Variants in USP25 observed in about 807,000 individuals in gnomAD.
USP25 encodes ubiquitin carboxyl-terminal hydrolase 25.
USP25 carries 85 observed loss-of-function variants against 158.5 expected under a neutral mutation model. The observed-to-expected ratio is 0.54, with a 90% CI of 0.45 to 0.64. USP25 has a LOEUF of 0.64. USP25 is among the 30% of genes least tolerant of loss of function. The pLI is 0.00. For missense variants in USP25, 1,242 were observed against 1,327.3 expected (o/e 0.94, Z 1.00); for synonymous variants, 464 against 460.4 (o/e 1.01, Z -0.10).
chr21:15,742,288 T>TACATCCTC (rs1243156597), intron 1 of USP25, among the ~76,000 whole-genome samples: 1 of 152,114 alleles, frequency 6.6e-6, no homozygotes, highest in Admixed American at 6.6e-5. Flanking sequence ...AGCTGGGAGC[T>TACATCCTC]ACATCCTCAC....
At chr21:15,873,151 G>T (rs917429226) in intron 23 of USP25, among the ~76,000 whole-genome samples, 3 of 151,644 alleles carry the variant, frequency 2.0e-5, no homozygotes, top group African/African-American at 7.3e-5. Context: ...GCTCTGTTGC[G>T]CAGGCTGGAA....
intron 1 of USP25, among the ~76,000 whole-genome samples, chr21:15,759,724 A>G (rs748983811): frequency 6.6e-6 from 1 of 152,174 alleles, no homozygotes; most frequent in Non-Finnish European, 1.5e-5. Flanking sequence ...GTCTGTGTTT[A>G]TGTTAATGCT....
intron 23 of USP25, among the ~76,000 whole-genome samples, chr21:15,873,021 G>A (rs2039958462): frequency 6.6e-6 from 1 of 151,956 alleles, no homozygotes; most frequent in South Asian, 2.1e-4. Flanking sequence ...ACAAATACTT[G>A]GCTAGATATA....
Position 15,787,731 on chromosome 21 carries a change from CT to C in USP25, c.393-3762del, listed in dbSNP as rs569831264. ...GAGATGTTTCATTACCCGCCGCCCC[CT>C]TTTTTTTTCTTTGTAGTTGATCTAT... is the stretch of plus-strand genomic sequence containing the variant. On this transcript the variant is annotated intron_variant, in intron 4 of 25. Transcript: ENST00000400183. Among the ~76,000 whole-genome samples the C allele has an allele frequency of 5.3e-5, 8 of 150,662 alleles. No individual in the cohort carries two copies. In the South Asian group the frequency reaches 1.1e-3, roughly 20 times the overall value.
At chr21:15,768,404 T>G (rs2034161568) in intron 3 of USP25, among the ~76,000 whole-genome samples, 1 of 152,094 alleles carries the variant, frequency 6.6e-6, no homozygotes, top group Non-Finnish European at 1.5e-5. Context: ...TAAACATTCC[T>G]GCCAGTAGTG....
chr21:15,741,041 G>A lies in USP25; in HGVS notation c.45+10603G>A, dbSNP rs927700112. ...ACCTTTCTCATTAATTATCAACACC[G>A]TCATTATTTCAGGCAACTGTTGATC... is the stretch of plus-strand genomic sequence containing the variant. On this transcript the variant is annotated intron_variant, in intron 1 of 25. Coordinates refer to ENST00000400183, the MANE Select transcript of USP25 (RefSeq NM_001283041.3). Among the ~76,000 whole-genome samples the A allele has an allele frequency of 7.2e-5, 11 of 151,990 alleles. No homozygotes were observed. The East Asian group carries it at 7.7e-4, about 11-fold the overall frequency.
rs2040161954 is a variant in USP25 at position 15,877,874 on chromosome 21, G to C, written c.3088G>C (p.Glu1030Gln). The C allele has an allele frequency of 6.2e-7, 1 of 1,613,078 alleles. No individual in the cohort carries two copies. Among genetic ancestry groups the C allele is most frequent in the African/African-American group, 1.3e-5 (1 of 74,830 alleles). ...EVNNGLIIMN[E>Q]FIVPFLPLLL... The stretch of plus-strand genomic sequence containing the variant: ...AAACAATGGTTTGATTATCATGAAT[G>C]AGTTTATTGTCCCATTTTTGCCATT... Residue 1030 changes from glutamate (E) to glutamine (Q), a missense_variant, in exon 25 of 26, where the codon GAG (glutamate) becomes CAG (glutamine). Coordinates refer to ENST00000400183, the MANE Select transcript of USP25 (RefSeq NM_001283041.3).
intron 1 of USP25, among the ~76,000 whole-genome samples, chr21:15,742,238 G>A (rs1169405381): frequency 6.6e-6 from 1 of 152,058 alleles, no homozygotes; most frequent in Non-Finnish European, 1.5e-5. Flanking sequence ...GTGGTGTGTG[G>A]TGAGAGGTCA....
chr21:15,857,868 T>C (rs1248933805), intron 20 of USP25, among the ~76,000 whole-genome samples: 2 of 152,110 alleles, frequency 1.3e-5, no homozygotes, highest in Non-Finnish European at 2.9e-5. Flanking sequence ...TTTCTCTGAA[T>C]AGTAAAATAT....
At chr21:15,814,053 T>C (rs2036809225) in intron 9 of USP25, among the ~76,000 whole-genome samples, 1 of 151,068 alleles carries the variant, frequency 6.6e-6, no homozygotes, top group Non-Finnish European at 1.5e-5. Flanking sequence ...ATAAGTCTCC[T>C]GAGACTTATC....
intron 17 of USP25, 150 bp downstream of exon 17, chr21:15,833,698 CA>C: frequency 1.4e-6 from 1 of 739,670 alleles, no homozygotes; most frequent in East Asian, 2.8e-5. Flanking sequence ...TCACAGTTAA[CA>C]ATTTAGTTTA....
At chr21:15,845,233 G>A (rs1050934041) in intron 18 of USP25, among the ~76,000 whole-genome samples, 1 of 152,002 alleles carries the variant, frequency 6.6e-6, no homozygotes. Flanking sequence ...ATAATTAATG[G>A]ATTTCAGGCA....
chr21:15,831,856 C>A (rs144849256), intron 16 of USP25, among the ~76,000 whole-genome samples: 3 of 152,108 alleles, frequency 2.0e-5, no homozygotes, highest in African/African-American at 7.2e-5. Context: ...CTTTTTCGTC[C>A]TTGCTAAAAA....
intron 22 of USP25, among the ~76,000 whole-genome samples, chr21:15,869,214 C>T (rs1451799074): frequency 2.0e-5 from 3 of 149,676 alleles, no homozygotes; most frequent in Non-Finnish European, 4.4e-5. Flanking sequence ...TGCCACTGCA[C>T]TGCAGACTGG....
Position 15,793,319 on chromosome 21 carries a change from A to G in USP25, c.555+1655A>G, listed in dbSNP as rs181001879. On this transcript the variant is annotated intron_variant, in intron 5 of 25. Coordinates refer to ENST00000400183, the MANE Select transcript of USP25 (RefSeq NM_001283041.3). ...TCTGTTTGAAATGATAAATGCTGATATAGGGATAATGACCTTTTGTTTTAG... is the reference window on the plus strand; with the variant it reads ...TCTGTTTGAAATGATAAATGCTGATGTAGGGATAATGACCTTTTGTTTTAG... Among the ~76,000 whole-genome samples the G allele has an allele frequency of 7.3e-5, 11 of 151,238 alleles. No individual in the cohort carries two copies. The East Asian group carries it at 2.2e-3, about 30-fold the overall frequency.
At chr21:15,733,806 C>T (rs1241535294) in intron 1 of USP25, among the ~76,000 whole-genome samples, 1 of 152,072 alleles carries the variant, frequency 6.6e-6, no homozygotes, top group Non-Finnish European at 1.5e-5. Context: ...CGCGCCATTG[C>T]ACTCCAGCCT....
chr21:15,825,474 G>A (rs2037455697), intron 12 of USP25, among the ~76,000 whole-genome samples: 1 of 152,174 alleles, frequency 6.6e-6, no homozygotes, highest in Non-Finnish European at 1.5e-5. Context: ...ATTGTGTCAG[G>A]TGTAAGATGG....
intron 4 of USP25, among the ~76,000 whole-genome samples, chr21:15,780,443 A>G (rs2034901016): frequency 6.6e-6 from 1 of 152,206 alleles, no homozygotes; most frequent in Admixed American, 6.5e-5. Flanking sequence ...AAATTTGTTA[A>G]TAAACTACAT....
At chr21:15,837,896 C>T (rs547804272) in intron 17 of USP25, among the ~76,000 whole-genome samples, 6 of 151,730 alleles carry the variant, frequency 4.0e-5, no homozygotes, top group Admixed American at 2.0e-4. Flanking sequence ...TAAACAGTAT[C>T]GTCAGTGTTC....
Sources: allele counts gnomAD v4.1 joint callset (sites outside exome capture counted in the v4.1 genomes callset), GRCh38; gene constraint gnomAD v4.1.1; transcripts MANE v1.5; gene names NCBI Gene and HGNC (gene_info 2026-07-23, HGNC 2026-07-21).